The following FOXO1 variants were observed in gnomAD, a reference collection of about 807,000 sequenced individuals.
FOXO1 encodes the protein forkhead box protein O1.
In FOXO1, 6 loss-of-function variants were observed where a neutral mutation model predicts 44.1. That is an observed-to-expected ratio of 0.14 (90% CI 0.07 to 0.27). The LOEUF (loss-of-function observed/expected upper bound fraction) is 0.27. FOXO1 is among the 10% of genes least tolerant of loss of function. FOXO1 has a pLI of 1.00. For synonymous variants in FOXO1, 380 were observed against 362.7 expected (o/e 1.05, Z -0.54); for missense variants, 737 against 888.8 (o/e 0.83, Z 2.17).
intron 1 of FOXO1, among the ~76,000 whole-genome samples, chr13:40,588,990 G>A (rs751245690): frequency 1.6e-4 from 24 of 151,892 alleles, no homozygotes; most frequent in Non-Finnish European, 3.2e-4. Context: ...CTGTAATCCC[G>A]GCTACTTTGG....
intron 1 of FOXO1, among the ~76,000 whole-genome samples, chr13:40,627,574 T>C (rs1016461719): frequency 2.0e-5 from 3 of 152,126 alleles, no homozygotes; most frequent in African/African-American, 7.2e-5. Flanking sequence ...GGCTCATGCC[T>C]GTAATCCCAG....
At chr13:40,576,785 T>C (rs1874763632) in intron 1 of FOXO1, among the ~76,000 whole-genome samples, 1 of 152,238 alleles carries the variant, frequency 6.6e-6, no homozygotes, top group Non-Finnish European at 1.5e-5. Flanking sequence ...CAGGACCATT[T>C]GTTTTGAAAA....
intron 1 of FOXO1, among the ~76,000 whole-genome samples, chr13:40,576,096 A>G (rs1874731158): frequency 6.6e-6 from 1 of 152,218 alleles, no homozygotes; most frequent in African/African-American, 2.4e-5. Flanking sequence ...GTACTTACTG[A>G]CCACTGTGCA....
chr13:40,616,161 T>G (rs1485132994), intron 1 of FOXO1, among the ~76,000 whole-genome samples: 1 of 152,194 alleles, frequency 6.6e-6, no homozygotes, highest in African/African-American at 2.4e-5. Flanking sequence ...AAAAACGCCT[T>G]CTTCCTAAAT....
intron 1 of FOXO1, among the ~76,000 whole-genome samples, chr13:40,630,040 CCCA>C (rs1026812610): frequency 5.3e-5 from 8 of 152,112 alleles, no homozygotes; most frequent in East Asian, 3.8e-4. Context: ...CAAAATAATG[CCCA>C]CCACTTCAAA....
intron 1 of FOXO1, among the ~76,000 whole-genome samples, chr13:40,633,893 C>G (rs1877056602): frequency 6.6e-6 from 1 of 152,204 alleles, no homozygotes; most frequent in African/African-American, 2.4e-5. Flanking sequence ...AGTATAGAAA[C>G]TCAACTTTCC....
chr13:40,600,762 G>A (rs1247898181), intron 1 of FOXO1, among the ~76,000 whole-genome samples: 1 of 152,142 alleles, frequency 6.6e-6, no homozygotes, highest in Non-Finnish European at 1.5e-5. Flanking sequence ...TGATAGTCAA[G>A]ACTCTAACTC....
chr13:40,566,994 T>C (rs933875723), intron 1 of FOXO1, among the ~76,000 whole-genome samples: 2 of 152,262 alleles, frequency 1.3e-5, no homozygotes, highest in Admixed American at 1.3e-4. Context: ...CTCTGCCTCC[T>C]AAGAGCTGAG....
intron 1 of FOXO1, among the ~76,000 whole-genome samples, chr13:40,589,326 T>A (rs1875286388): frequency 6.6e-6 from 1 of 151,996 alleles, no homozygotes; most frequent in Non-Finnish European, 1.5e-5. Flanking sequence ...TTCTCCCCAA[T>A]CAAGGCCAAC....
intron 1 of FOXO1, among the ~76,000 whole-genome samples, chr13:40,588,035 C>T (rs1161385834): frequency 1.3e-5 from 2 of 152,170 alleles, no homozygotes; most frequent in East Asian, 3.9e-4. Flanking sequence ...GCATTATGCT[C>T]CATATCCTCA....
rs80274733 is a variant in FOXO1 at position 40,577,525 on chromosome 13, T to C, written c.631-16665A>G. ...ACAGAGTCTAATACTCTGTCCACTT[T>C]AGAAGAACATAAAACCACTTTATGG... On this transcript the variant is annotated intron_variant, in intron 1 of 2. Transcript: ENST00000379561. Among the ~76,000 whole-genome samples the C allele has an allele frequency of 1.1e-3, 166 of 152,290 alleles. 4 individuals are homozygous for C. In the East Asian group the frequency reaches 0.02, roughly 18 times the overall value.
intron 1 of FOXO1, among the ~76,000 whole-genome samples, chr13:40,581,731 A>C (rs1874963193): frequency 6.6e-6 from 1 of 152,224 alleles, no homozygotes; most frequent in South Asian, 2.1e-4. Flanking sequence ...ACTATTAAGT[A>C]TGGGGCCATA....
intron 1 of FOXO1, among the ~76,000 whole-genome samples, chr13:40,568,772 A>C (rs1245165709): frequency 1.3e-5 from 2 of 152,028 alleles, no homozygotes. Context: ...CACTGTGCAG[A>C]GGTCTTAAAG....
At chr13:40,641,187 T>C (rs1442142108) in intron 1 of FOXO1, among the ~76,000 whole-genome samples, 1 of 152,112 alleles carries the variant, frequency 6.6e-6, no homozygotes, top group African/African-American at 2.4e-5. Flanking sequence ...GCAGTATGTG[T>C]AGGGGGTGAC....
chr13:40,665,274 C>A (rs562915183), intron 1 of FOXO1, among the ~76,000 whole-genome samples: 6 of 152,294 alleles, frequency 3.9e-5, no homozygotes, highest in African/African-American at 1.4e-4. Context: ...CAGCGAACCC[C>A]TTTCTCCTTT....
At chr13:40,640,444 C>T (rs1010389115) in intron 1 of FOXO1, among the ~76,000 whole-genome samples, 2 of 152,220 alleles carry the variant, frequency 1.3e-5, no homozygotes, top group Admixed American at 6.5e-5. Flanking sequence ...TCAATGAGGG[C>T]GCTCCTGGGC....
chr13:40,654,088 G>A (rs1877772406), intron 1 of FOXO1, among the ~76,000 whole-genome samples: 1 of 151,866 alleles, frequency 6.6e-6, no homozygotes, highest in Non-Finnish European at 1.5e-5. Context: ...GATAAGACAG[G>A]TAGGGGTTCC....
At chr13:40,564,773 C>T (rs1040544893) in intron 1 of FOXO1, among the ~76,000 whole-genome samples, 1 of 149,792 alleles carries the variant, frequency 6.7e-6, no homozygotes, top group Non-Finnish European at 1.5e-5. Flanking sequence ...TTCTACATGA[C>T]GGCACTAGAG....
At chr13:40,596,471 T>C (rs1273263497) in intron 1 of FOXO1, among the ~76,000 whole-genome samples, 1 of 152,232 alleles carries the variant, frequency 6.6e-6, no homozygotes, top group Non-Finnish European at 1.5e-5. Context: ...TAGGAAGAGA[T>C]GTAGCTTTGG....
Sources: allele counts gnomAD v4.1 joint callset (sites outside exome capture counted in the v4.1 genomes callset), GRCh38; gene constraint gnomAD v4.1.1; transcripts MANE v1.5; gene names NCBI Gene and HGNC (gene_info 2026-07-23, HGNC 2026-07-21).